The following GLIS3 variants were observed in gnomAD, a reference collection of about 807,000 sequenced individuals.
GLIS3 encodes GLIS family zinc finger 3.
A neutral mutation model predicts 78.6 loss-of-function variants in GLIS3; 53 were observed. The ratio of observed to expected loss-of-function variants is 0.67; its 90% CI spans 0.54 to 0.85. The LOEUF is 0.85. Ranked by LOEUF, GLIS3 falls within the 40% of genes least tolerant of loss-of-function variation. The probability of loss-of-function intolerance (pLI) is 0.00; values close to 1 mark genes in which losing one functional copy is unlikely to be tolerated. For synonymous variants in GLIS3, 684 were observed against 509.9 expected (o/e 1.34, Z -4.60); for missense variants, 1,703 against 1,231.1 (o/e 1.38, Z -5.74).
At position 4,293,677 on chromosome 9, in the gene GLIS3, G is replaced by A. The variant is rs577127453; in HGVS notation, c.-99+5744C>T. 1.1e-4 allele frequency among the ~76,000 whole-genome samples: 17 copies of A among 152,306 alleles called. No individual in the cohort carries two copies. In the South Asian group the frequency reaches 3.3e-3, roughly 30 times the overall value. The stretch of plus-strand genomic sequence containing the variant: ...GTTTTCTGTGTACAATATTCAGCAG[G>A]CCTACAAAAGAAATTTGATGGAGCT... On this transcript the variant is annotated intron_variant, in intron 1 of 10. Coordinates refer to ENST00000381971, the MANE Select transcript of GLIS3 (RefSeq NM_001042413.2).
intron 4 of GLIS3, among the ~76,000 whole-genome samples, chr9:4,117,341 C>G (rs887026739): frequency 1.3e-5 from 2 of 152,192 alleles, no homozygotes; most frequent in African/African-American, 4.8e-5. Context: ...CAAAACCACT[C>G]TTCTCTCCAT....
chr9:3,876,366 C>T (rs1342800862), intron 8 of GLIS3, among the ~76,000 whole-genome samples: 4 of 151,610 alleles, frequency 2.6e-5, no homozygotes, highest in African/African-American at 9.7e-5. Context: ...ATCCCTGAAT[C>T]ACAAAAAGGA....
intron 4 of GLIS3, among the ~76,000 whole-genome samples, chr9:3,953,151 T>C (rs1020078048): frequency 6.6e-6 from 1 of 152,162 alleles, no homozygotes; most frequent in African/African-American, 2.4e-5. Context: ...TTTAGCCATA[T>C]CTTTAGTACC....
intron 2 of GLIS3, among the ~76,000 whole-genome samples, chr9:4,126,645 A>G (rs893282961): frequency 5.9e-5 from 9 of 152,252 alleles, no homozygotes; most frequent in African/African-American, 2.2e-4. Context: ...GGAACCCACA[A>G]GAATCTGTGT....
At chr9:4,090,187 C>T (rs1564031526) in intron 4 of GLIS3, among the ~76,000 whole-genome samples, 1 of 152,206 alleles carries the variant, frequency 6.6e-6, no homozygotes, top group South Asian at 2.1e-4. Context: ...TTGCCCCTTC[C>T]CTTCTACACA....
In GLIS3 at chr9:4,258,280, A is replaced by T. The variant is rs183998218; in HGVS notation, c.388+27758T>A. ...AATCATACATAAAAGATCCATAAAG[A>T]ATAGTGAAATCTGAATAAAGTCTAC... On this transcript the variant is annotated intron_variant, in intron 2 of 10. Transcript: ENST00000381971. Among the ~76,000 whole-genome samples, 498 of 152,306 alleles carry T rather than the reference A, an allele frequency of 3.3e-3. 5 individuals are homozygous for T. The highest frequency in any genetic ancestry group is 3.1e-3 in the Non-Finnish European group (210 of 68,020).
intron 2 of GLIS3, among the ~76,000 whole-genome samples, chr9:4,134,891 A>C (rs1230673768): frequency 6.6e-6 from 1 of 152,166 alleles, no homozygotes; most frequent in Non-Finnish European, 1.5e-5. Flanking sequence ...CACGGTATAC[A>C]CCTTACCTAG....
intron 2 of GLIS3, among the ~76,000 whole-genome samples, chr9:4,282,214 GTAAACTGTACC>G (rs1827623749): frequency 6.6e-6 from 1 of 152,122 alleles, no homozygotes; most frequent in South Asian, 2.1e-4. Context: ...TAGCCGCCGT[GTAAACTGTACC>G]TTGCCCCAAA....
In GLIS3 at chr9:4,078,253, C is replaced by G. The variant is rs181504777; in HGVS notation, c.1710+39515G>C. On this transcript the variant is annotated intron_variant, in intron 4 of 10. Transcript: ENST00000381971. Reference sequence around the variant, plus strand: ...ATATTATGTCAAACCCAATATGTATCAAAGCAGTGGTGCTTTGGCTAAAAT... The same window carrying G: ...ATATTATGTCAAACCCAATATGTATGAAAGCAGTGGTGCTTTGGCTAAAAT... Among the ~76,000 whole-genome samples the G allele has an allele frequency of 3.1e-3, 465 of 152,224 alleles. 3 individuals are homozygous for G. Among genetic ancestry groups the G allele is most frequent in the Non-Finnish European group, 4.5e-3 (303 of 68,024 alleles).
At chr9:3,974,761 G>C (rs1203514862) in intron 4 of GLIS3, among the ~76,000 whole-genome samples, 2 of 152,076 alleles carry the variant, frequency 1.3e-5, no homozygotes, top group Non-Finnish European at 2.9e-5. Context: ...ATTTCACTGT[G>C]CCTGCAAAGC....
At chr9:3,995,879 G>A (rs183644881) in intron 4 of GLIS3, among the ~76,000 whole-genome samples, 105 of 152,172 alleles carry the variant, frequency 6.9e-4, no homozygotes, top group Admixed American at 6.5e-3. Flanking sequence ...CAGTGATGGA[G>A]GAATGGCAAC....
At chr9:4,069,168 AGAG>A (rs1314581513) in intron 4 of GLIS3, among the ~76,000 whole-genome samples, 2 of 152,200 alleles carry the variant, frequency 1.3e-5, no homozygotes, top group Non-Finnish European at 2.9e-5. Flanking sequence ...CCTGCCGAGC[AGAG>A]GAGATTTCTA....
the GLIS3 span, among the ~76,000 whole-genome samples, chr9:4,455,915 C>A: frequency 6.6e-6 from 1 of 151,946 alleles, no homozygotes; most frequent in Non-Finnish European, 1.5e-5. Context: ...GAGTTCAAGA[C>A]CAGCCTGGCC....
chr9:3,889,995 C>T (rs1588158769), intron 7 of GLIS3, among the ~76,000 whole-genome samples: 1 of 152,130 alleles, frequency 6.6e-6, no homozygotes, highest in East Asian at 1.9e-4. Context: ...CAGTCAAGAA[C>T]AGTTTTTTTA....
At chr9:3,985,265 C>T (rs1446448484) in intron 4 of GLIS3, among the ~76,000 whole-genome samples, 3 of 152,148 alleles carry the variant, frequency 2.0e-5, no homozygotes, top group African/African-American at 7.2e-5. Flanking sequence ...ACCTCAGCCT[C>T]CTGAGTAGCT....
chr9:3,994,312 T>A (rs1236443166), intron 4 of GLIS3, among the ~76,000 whole-genome samples: 2 of 152,190 alleles, frequency 1.3e-5, no homozygotes, highest in Admixed American at 1.3e-4. Context: ...GTACAGCCCA[T>A]GGCCTGGAAC....
At chr9:3,988,266 A>C (rs1819933278) in intron 4 of GLIS3, among the ~76,000 whole-genome samples, 1 of 152,212 alleles carries the variant, frequency 6.6e-6, no homozygotes, top group South Asian at 2.1e-4. Flanking sequence ...CCCACCTTTA[A>C]TGACTGACTA....
At chr9:4,282,292 C>T (rs1827629402) in intron 2 of GLIS3, among the ~76,000 whole-genome samples, 1 of 152,164 alleles carries the variant, frequency 6.6e-6, no homozygotes, top group Non-Finnish European at 1.5e-5. Context: ...CCACTTGGTG[C>T]CCCAATATTA....
At chr9:4,221,623 T>A (rs1158138827) in intron 2 of GLIS3, among the ~76,000 whole-genome samples, 3 of 152,158 alleles carry the variant, frequency 2.0e-5, no homozygotes, top group Admixed American at 6.5e-5. Flanking sequence ...AATGTCTGAA[T>A]AAAGAACTAC....
Sources: allele counts gnomAD v4.1 joint callset (sites outside exome capture counted in the v4.1 genomes callset), GRCh38; gene constraint gnomAD v4.1.1; transcripts MANE v1.5; gene names NCBI Gene and HGNC (gene_info 2026-07-23, HGNC 2026-07-21).